Variants in SLC15A3 observed in about 807,000 individuals in gnomAD.
SLC15A3 encodes osteoclast transporter.
Under a neutral mutation model 49.2 loss-of-function variants are expected in SLC15A3, and 39 were observed. That is an observed-to-expected ratio of 0.79 (90% CI 0.61 to 1.04). SLC15A3 has a LOEUF of 1.04. Among genes scored for constraint, SLC15A3 ranks in the 50% least tolerant of loss-of-function variants. The pLI, the probability that SLC15A3 is intolerant of heterozygous loss-of-function variation, is 0.00. For synonymous variants in SLC15A3, 339 were observed against 367.0 expected, an observed-to-expected ratio of 0.92 and a Z score of 0.87; for missense variants, 758 against 794.8, an observed-to-expected ratio of 0.95 and a Z score of 0.56.
rs140918009 is a variant in SLC15A3, at chr11:60,946,809, C to A, written c.571G>T (p.Gly191Cys). Reference sequence around the variant, plus strand: ...AAGAAGCGGCGGGTGGCGTCGCGGCCGAGATCCATCACCTGCCATTCAGGA... The same window carrying A: ...AAGAAGCGGCGGGTGGCGTCGCGGCAGAGATCCATCACCTGCCATTCAGGA... ...SFGADQVMDL[G>C]RDATRRFFNW... The change falls in exon 2 of 8, where the codon GGC becomes TGC. Residue 191 changes from glycine to cysteine, a missense_variant. Physicochemically the swap from Gly to Cys is radical, Grantham distance 159. This residue lies in a region of SLC15A3 where 699 missense variants were observed against 706.7 expected (regional missense o/e 0.99). Coordinates refer to ENST00000227880, the MANE Select transcript of SLC15A3 (RefSeq NM_016582.3). 5.6e-6 allele frequency: 9 copies of A among 1,609,508 alleles called. No homozygotes were observed. Among genetic ancestry groups the A allele is most frequent in the South Asian group, 1.1e-5 (1 of 90,916 alleles).
intron 2 of SLC15A3, among the ~76,000 whole-genome samples, chr11:60,944,676 G>A (rs1464451343): frequency 6.6e-6 from 1 of 152,048 alleles, no homozygotes; most frequent in Admixed American, 6.5e-5. Flanking sequence ...CGCTGTCACA[G>A]ATTTGATACA....
intron 1 of SLC15A3, 114 bp downstream of exon 1, chr11:60,950,880 A>G: frequency 8.7e-7 from 1 of 1,143,670 alleles, no homozygotes; most frequent in South Asian, 2.0e-5. Context: ...CTTCTTTCAA[A>G]TCAGGAAACT....
In SLC15A3 at chr11:60,948,940, T is replaced by G. The variant is rs2469883; in HGVS notation, c.558+2054A>C. On this transcript the variant is annotated intron_variant, in intron 1 of 7. Transcript: ENST00000227880. ...AAGGGTACTGGGTTGGGGGTGCTAG[T>G]GGGATGTCAATGAAATAATAGGATT... Among the ~76,000 whole-genome samples, 11 of 152,064 alleles carry G rather than the reference T, an allele frequency of 7.2e-5. No individual in the cohort carries two copies. The South Asian group carries it at 2.3e-3, about 32-fold the overall frequency.
intron 4 of SLC15A3, 97 bp from the exon 5 acceptor site, chr11:60,941,387 T>A: frequency 2.3e-6 from 3 of 1,289,124 alleles, no homozygotes; most frequent in African/African-American, 1.5e-5. Context: ...TGGGTGACCC[T>A]GGGGTCCAGC....
Position 60,949,438 on chromosome 11 carries a change from G to GAAAT in SLC15A3, c.558+1555_558+1556insATTT, listed in dbSNP as rs1244459149. Among the ~76,000 whole-genome samples, 58 of 143,742 alleles carry GAAAT rather than the reference G, an allele frequency of 4.0e-4. 2 individuals carry two copies. The highest frequency in any genetic ancestry group is 1.3e-3 in the African/African-American group (52 of 39,052). 94.3% of individuals were successfully genotyped at this position (143,742 alleles called of 152,430 possible). A position where few individuals can be genotyped will look rare whatever the true frequency, so the allele number is the denominator to read the frequency against. ...AGAAAGAAAGAAGGAAAGAAAGAAA[G>GAAAT]AAAGAAAGAAAGAGAAAGAAAGAGA... is the stretch of plus-strand genomic sequence containing the variant. On this transcript the variant is annotated intron_variant, in intron 1 of 7. Transcript: ENST00000227880.
At chr11:60,938,136 T>A in intron 6 of SLC15A3, 111 bp from the exon 7 acceptor site, 3 of 1,293,974 alleles carry the variant, frequency 2.3e-6, no homozygotes, top group Non-Finnish European at 3.1e-6. Context: ...CCCTCCAGGC[T>A]TCCCCTGGAT....
intron 4 of SLC15A3, 115 bp from the exon 5 acceptor site, chr11:60,941,405 C>T: frequency 9.3e-7 from 1 of 1,072,352 alleles, no homozygotes; most frequent in East Asian, 2.7e-5. Context: ...AGCTCCTTTC[C>T]CTCTCTGGAG....
chr11:60,941,880 C>T (rs1003534598), intron 4 of SLC15A3, 155 bp downstream of exon 4: 4 of 721,962 alleles, frequency 5.5e-6, no homozygotes, highest in Non-Finnish European at 9.5e-6. Flanking sequence ...TGCGCTGTGA[C>T]ACAAGTCCTC....
At chr11:60,938,666 A>G (rs1856662663) in intron 6 of SLC15A3, among the ~76,000 whole-genome samples, 1 of 152,022 alleles carries the variant, frequency 6.6e-6, no homozygotes, top group Non-Finnish European at 1.5e-5. Flanking sequence ...TGCACCTCCC[A>G]TGCCTCTCCA....
At chr11:60,939,050 C>T (rs1856670792) in intron 6 of SLC15A3, among the ~76,000 whole-genome samples, 2 of 152,142 alleles carry the variant, frequency 1.3e-5, no homozygotes, top group Non-Finnish European at 2.9e-5. Context: ...TTACTATGAC[C>T]CAGAGTACTG....
At chr11:60,942,364 G>A (rs1590638056) in intron 3 of SLC15A3, 1 of 502,696 alleles carries the variant, frequency 2.0e-6, no homozygotes, top group East Asian at 3.6e-5. Context: ...GGCAGTGCGT[G>A]CAGCCTTATC....
chr11:60,938,586 C>T (rs1187306548), intron 6 of SLC15A3, among the ~76,000 whole-genome samples: 2 of 152,088 alleles, frequency 1.3e-5, no homozygotes, highest in African/African-American at 4.8e-5. Context: ...AGAGGAGGGG[C>T]GCTGTTGCCT....
In SLC15A3 at chr11:60,951,496, A is replaced by T; in HGVS notation, c.56T>A (p.Leu19Gln). 1 of 1,250,506 alleles carries T rather than the reference A, an allele frequency of 8.0e-7. No individual in the cohort carries two copies. Among genetic ancestry groups the T allele is most frequent in the Non-Finnish European group, 1.0e-6 (1 of 993,506 alleles). 77.5% of individuals were successfully genotyped at this position (1,250,506 alleles called of 1,614,324 possible). A position where few individuals can be genotyped will look rare whatever the true frequency, so the allele number is the denominator to read the frequency against. Residue 19 changes from leucine (L) to glutamine (Q), a missense_variant, in exon 1 of 8, where the codon CTG (leucine) becomes CAG (glutamine). By Grantham distance (113) the Leu-to-Gln change is moderately radical. Around this residue, in one of 3 missense-constraint regions of SLC15A3, gnomAD observed 28 missense variants for 29.7 expected, o/e 0.94. Transcript: ENST00000227880. ...AGGGCCCCGCGCACCGCGAGGCAGC[A>T]GCGGCTGGCGCTCCCCGGGCACGCG... ...QPRVPGERQP[L>Q]LPRGARGPRR...
intron 2 of SLC15A3, 91 bp from the exon 3 acceptor site, chr11:60,943,927 G>A (rs1554985695): frequency 7.9e-7 from 1 of 1,273,660 alleles, no homozygotes; most frequent in Non-Finnish European, 1.0e-6. Flanking sequence ...GGAGGCTGAG[G>A]CGGGTGGATC....
At chr11:60,949,556 G>GAA (rs147789337) in intron 1 of SLC15A3, among the ~76,000 whole-genome samples, 1 of 71,378 alleles carries the variant, frequency 1.4e-5, no homozygotes, top group African/African-American at 3.0e-5. Context: ...AAGAAAGAAA[G>GAA]AAAGAAAGAA....
chr11:60,949,200 G>T (rs1188765503), intron 1 of SLC15A3, among the ~76,000 whole-genome samples: 1 of 152,052 alleles, frequency 6.6e-6, no homozygotes, highest in Non-Finnish European at 1.5e-5. Context: ...AGCCAGCGTG[G>T]TAGCGGGCAC....
intron 1 of SLC15A3, among the ~76,000 whole-genome samples, chr11:60,950,460 A>G (rs1344134992): frequency 6.6e-6 from 1 of 152,158 alleles, no homozygotes; most frequent in Non-Finnish European, 1.5e-5. Context: ...TTAAACAGTG[A>G]AAGTGCTTAG....
chr11:60,937,879 T>TG lies in SLC15A3; in HGVS notation c.1581dup (p.Lys528GlnfsTer37), dbSNP rs566114730. 87 of 1,614,044 alleles carry TG rather than the reference T, an allele frequency of 5.4e-5. 2 individuals are homozygous for TG. In the South Asian group the frequency reaches 9.1e-4, roughly 17 times the overall value. Reference sequence around the variant, plus strand: ...GAGGCCCCATACTCACCAAAGTCCTTGGGGCAGTGCAGCCAGCCCCCGGGC... The same window carrying TG: ...GAGGCCCCATACTCACCAAAGTCCTTGGGGGCAGTGCAGCCAGCCCCCGGGC... On this transcript the variant is annotated frameshift_variant, in exon 7 of 8. Coordinates refer to ENST00000227880, the MANE Select transcript of SLC15A3 (RefSeq NM_016582.3). LOFTEE classifies it low-confidence loss of function (END_TRUNC).
chr11:60,941,084 C>T (rs1188644657), intron 5 of SLC15A3, 38 bp downstream of exon 5: 1 of 1,575,844 alleles, frequency 6.3e-7, no homozygotes, highest in Non-Finnish European at 8.6e-7. Context: ...TTCCCCAAGC[C>T]CAAAGTTCAG....
Sources: gnomAD v4.1 joint callset for allele counts (sites outside exome capture counted in the v4.1 genomes callset) on GRCh38, gnomAD v4.1.1 for gene constraint, gnomAD v4.1.1 regional missense constraint, MANE v1.5 for transcripts, NCBI Gene and HGNC (gene_info 2026-07-23, HGNC 2026-07-21) for gene names.